Variants in WWC2 observed in about 807,000 individuals in gnomAD.
The protein encoded by WWC2 is protein WWC2.
In WWC2, 101 loss-of-function variants were observed where a neutral mutation model predicts 138.5. That is an observed-to-expected ratio of 0.73 (90% CI 0.62 to 0.86). The LOEUF (loss-of-function observed/expected upper bound fraction) is 0.86. Among genes scored for constraint, WWC2 ranks in the 40% least tolerant of loss-of-function variants. WWC2 has a pLI of 0.00. For missense variants in WWC2, 1,420 were observed against 1,419.4 expected (o/e 1.00, Z -0.01); for synonymous variants, 558 against 538.4 (o/e 1.04, Z -0.50).
intron 9 of WWC2, among the ~76,000 whole-genome samples, chr4:183,254,376 A>C (rs1737075338): frequency 6.6e-6 from 1 of 152,228 alleles, no homozygotes; most frequent in African/African-American, 2.4e-5. Flanking sequence ...ACAGGAATGC[A>C]AAAGTTTATT....
At position 183,208,943 on chromosome 4, in the gene WWC2, T is replaced by C. The variant is rs377175835; in HGVS notation, c.446-6T>C. On this transcript the variant is annotated splice_region_variant and splice_polypyrimidine_tract_variant and intron_variant, in intron 3 of 22. Coordinates refer to ENST00000403733, the MANE Select transcript of WWC2 (RefSeq NM_024949.6). Reference sequence around the variant, plus strand: ...ATAATTAGTTTTTCTTTTTTCTCTATAAAAGTATTCTCAGGATCTTCATCC... The same window carrying C: ...ATAATTAGTTTTTCTTTTTTCTCTACAAAAGTATTCTCAGGATCTTCATCC... 1.5e-5 allele frequency: 23 copies of C among 1,535,110 alleles called. No individual in the cohort carries two copies. In the East Asian group the frequency reaches 2.9e-4, roughly 19 times the overall value.
chr4:183,162,186 C>CCT (rs5864817), intron 1 of WWC2, among the ~76,000 whole-genome samples: 150,588 of 152,322 alleles, frequency 0.99, 74,460 homozygotes, highest in Middle Eastern at 1. Flanking sequence ...TCAAACTACC[C>CCT]GATTAGTTTT....
At chr4:183,281,152 GC>G (rs1738059171) in intron 17 of WWC2, 1 of 442,630 alleles carries the variant, frequency 2.3e-6, no homozygotes, top group Admixed American at 4.6e-5. Flanking sequence ...TATTTTCTGA[GC>G]CTTTTTTTTT....
At chr4:183,270,812 A>T (rs1340141603) in intron 15 of WWC2, among the ~76,000 whole-genome samples, 2 of 152,174 alleles carry the variant, frequency 1.3e-5, no homozygotes, top group East Asian at 3.9e-4. Context: ...ATGCTTAGTC[A>T]TTAGGTCTTC....
At position 183,317,662 on chromosome 4, in the gene WWC2, T is replaced by C. The variant is rs1301844468; in HGVS notation, c.*1933T>C. On this transcript the variant is annotated 3_prime_UTR_variant, in exon 23 of 23. Transcript: ENST00000403733. ...ATTTTCTTCATTTATTTATTTACAG[T>C]CTTATTTATGTTCTGTTTAATATAT... is the stretch of plus-strand genomic sequence containing the variant. 6.6e-6 allele frequency: 1 copy of C among 152,648 alleles called. No individual in the cohort carries two copies. The highest frequency in any genetic ancestry group is 1.5e-5 in the Non-Finnish European group (1 of 68,034). 9.5% of individuals were successfully genotyped at this position (152,648 alleles called of 1,614,324 possible).
chr4:183,145,491 G>A (rs2111104905), intron 1 of WWC2, among the ~76,000 whole-genome samples: 1 of 152,246 alleles, frequency 6.6e-6, no homozygotes, highest in African/African-American at 2.4e-5. Context: ...TTATGTAACT[G>A]AGATCATAAT....
At chr4:183,248,938 A>G in intron 7 of WWC2, 78 bp downstream of exon 7, 1 of 1,345,018 alleles carries the variant, frequency 7.4e-7, no homozygotes, top group Non-Finnish European at 9.9e-7. Context: ...GTGAACTGGA[A>G]CCAGAAGTAT....
chr4:183,198,868 A>G (rs559130124), intron 2 of WWC2, among the ~76,000 whole-genome samples: 1 of 150,186 alleles, frequency 6.7e-6, no homozygotes, highest in South Asian at 2.1e-4. Flanking sequence ...TACTGCTTTC[A>G]AAATGAGTTT....
Position 183,269,154 on chromosome 4 carries a change from A to G in WWC2, c.2391A>G (p.Glu797=). Residue 797 remains glutamate (E), a synonymous_variant, in exon 15 of 23, where the codon GAA becomes GAG. Coordinates refer to ENST00000403733, the MANE Select transcript of WWC2 (RefSeq NM_024949.6). ...GCTCTGTCAGTAAACACCGAAGGGA[A>G]GAATGCCTGGTAGGATTCTTCATAA... ...DLCSVSKHRR[E]ECLAGTQISL... 1 of 1,609,352 alleles carries G rather than the reference A, an allele frequency of 6.2e-7. No homozygotes were observed. Among genetic ancestry groups the G allele is most frequent in the Non-Finnish European group, 8.5e-7 (1 of 1,178,704 alleles).
intron 10 of WWC2, among the ~76,000 whole-genome samples, 170 bp downstream of exon 10, chr4:183,259,898 C>G (rs2111354641): frequency 6.6e-6 from 1 of 152,266 alleles, no homozygotes; most frequent in African/African-American, 2.4e-5. Context: ...TGCATGAACC[C>G]AGTGTCATAT....
chr4:183,254,791 A>G lies in WWC2; in HGVS notation c.1196+792A>G, dbSNP rs145131322. 4.0e-3 allele frequency among the ~76,000 whole-genome samples: 605 copies of G among 152,298 alleles called. 3 individuals are homozygous for G. Among genetic ancestry groups the G allele is most frequent in the African/African-American group, 0.014 (580 of 41,540 alleles). ...AAACAGCAGTGCCTGTTTCAGGGTG[A>G]TGGGAAAGAAATTCACATTGATATA... On this transcript the variant is annotated intron_variant, in intron 9 of 22. Transcript: ENST00000403733.
intron 1 of WWC2, among the ~76,000 whole-genome samples, chr4:183,150,530 G>T (rs1249682383): frequency 1.3e-5 from 2 of 152,040 alleles, no homozygotes; most frequent in African/African-American, 4.8e-5. Context: ...TTTAAAAAAA[G>T]ATTTTAAAAA....
rs549318757 is a variant in WWC2, at chr4:183,113,529, CGCGCACATGCACGTGCAT to C, written c.131+13910_131+13927del. The stretch of plus-strand genomic sequence containing the variant: ...GTGTGTGTGTGTGCGCGCGCGTGCG[CGCGCACATGCACGTGCAT>C]GCAAGATGATCTTACTCATTTTTGT... On this transcript the variant is annotated intron_variant, in intron 1 of 22. Transcript: ENST00000403733. Among the ~76,000 whole-genome samples, 36 of 148,040 alleles carry C rather than the reference CGCGCACATGCACGTGCAT, an allele frequency of 2.4e-4. No individual in the cohort carries two copies. In the South Asian group the frequency reaches 7.2e-3, roughly 30 times the overall value.
chr4:183,314,551 C>T (rs1337522838), intron 22 of WWC2, among the ~76,000 whole-genome samples: 3 of 152,196 alleles, frequency 2.0e-5, no homozygotes, highest in East Asian at 3.9e-4. Context: ...GGCCGTTCTG[C>T]CCGGCACCAC....
intron 1 of WWC2, among the ~76,000 whole-genome samples, chr4:183,106,735 A>G (rs2152886552): frequency 6.6e-6 from 1 of 152,236 alleles, no homozygotes; most frequent in East Asian, 1.9e-4. Flanking sequence ...TTCAGGGTTC[A>G]TTTTGTAGCA....
chr4:183,270,199 A>C (rs1293045717), intron 15 of WWC2, among the ~76,000 whole-genome samples: 1 of 152,248 alleles, frequency 6.6e-6, no homozygotes, highest in African/African-American at 2.4e-5. Flanking sequence ...TATTTAGTAT[A>C]ATAGATGTCA....
intron 22 of WWC2, among the ~76,000 whole-genome samples, chr4:183,312,804 C>G (rs1460800547): frequency 6.6e-6 from 1 of 152,164 alleles, no homozygotes; most frequent in Non-Finnish European, 1.5e-5. Context: ...ACAGACATTC[C>G]TTGGGCAGCC....
chr4:183,216,711 G>C (rs1381028025), intron 4 of WWC2, among the ~76,000 whole-genome samples: 3 of 152,196 alleles, frequency 2.0e-5, no homozygotes, highest in Admixed American at 1.3e-4. Context: ...TGCATGAGTT[G>C]ATGAGACAGA....
intron 4 of WWC2, among the ~76,000 whole-genome samples, chr4:183,237,985 A>G (rs1443649827): frequency 1.3e-5 from 2 of 152,046 alleles, no homozygotes; most frequent in African/African-American, 4.8e-5. Context: ...TCTCTTTTCA[A>G]TACACACCCA....
Sources: gnomAD v4.1 joint callset for allele counts (sites outside exome capture counted in the v4.1 genomes callset) on GRCh38, gnomAD v4.1.1 for gene constraint, MANE v1.5 for transcripts, NCBI Gene and HGNC (gene_info 2026-07-23, HGNC 2026-07-21) for gene names.